The following COL6A6 variants were observed in gnomAD, a reference collection of about 807,000 sequenced individuals.
COL6A6 encodes collagen type VI alpha 6 chain.
COL6A6 carries 183 observed loss-of-function variants against 208.6 expected under a neutral mutation model. The observed-to-expected ratio is 0.88, with a 90% CI of 0.78 to 0.99. The LOEUF is 0.99. Ranked by LOEUF, COL6A6 falls within the 50% of genes least tolerant of loss-of-function variation. The pLI is 0.00. For synonymous variants in COL6A6, 973 were observed against 1,011.8 expected (o/e 0.96, Z 0.73); for missense variants, 2,816 against 2,815.2 (o/e 1.00, Z -0.01).
At chr3:130,602,182 T>G (rs78343887) in intron 20 of COL6A6, among the ~76,000 whole-genome samples, 1 of 152,224 alleles carries the variant, frequency 6.6e-6, no homozygotes, top group Non-Finnish European at 1.5e-5. Context: ...AGGGGCTTCA[T>G]ATGAGTGCCA....
chr3:130,593,671 C>T (rs777816706), intron 17 of COL6A6, among the ~76,000 whole-genome samples: 2 of 152,174 alleles, frequency 1.3e-5, no homozygotes, highest in African/African-American at 2.4e-5. Flanking sequence ...TTGCCAAACT[C>T]AGAGGAAGGG....
At position 130,586,585 on chromosome 3, in the gene COL6A6, T is replaced by C; in HGVS notation, c.4050T>C (p.Phe1350=). 1 of 1,613,894 alleles carries C rather than the reference T, an allele frequency of 6.2e-7. No homozygotes were observed. The highest frequency in any genetic ancestry group is 8.5e-7 in the Non-Finnish European group (1 of 1,179,790). ...TGGCTGATCTTCCCTATATTGAATT[T>C]GGGAAAGGATTTGAGTACAGGACAC... ...SDLADLPYIE[F]GKGFEYRTQL... The change falls in exon 11 of 37, where the codon TTT becomes TTC. Residue 1350 remains phenylalanine, a synonymous_variant. Transcript: ENST00000358511.
At chr3:130,596,824 T>A (rs1381952267) in intron 18 of COL6A6, among the ~76,000 whole-genome samples, 2 of 152,146 alleles carry the variant, frequency 1.3e-5, no homozygotes, top group African/African-American at 4.8e-5. Context: ...ATAAAATTTT[T>A]AAAAAAAGAA....
At chr3:130,594,903 G>A (rs577666485) in intron 18 of COL6A6, among the ~76,000 whole-genome samples, 2 of 152,246 alleles carry the variant, frequency 1.3e-5, no homozygotes, top group East Asian at 3.9e-4. Context: ...GATCCCATGA[G>A]ACTTACTCAC....
rs183625394 is a variant in COL6A6 at position 130,637,198 on chromosome 3, T to C, written c.5091+1437T>C. On this transcript the variant is annotated intron_variant, in intron 28 of 36. Transcript: ENST00000358511. ...ATGGCTATCCATTAACATTATGCTC[T>C]AAAAAAAAAAGATGAAGACAGATAT... Among the ~76,000 whole-genome samples, 76 of 118,692 alleles carry C rather than the reference T, an allele frequency of 6.4e-4. No homozygotes were observed. In the East Asian group the frequency reaches 0.017, roughly 26 times the overall value. The allele number at this position is 118,692 out of a possible 152,430, so 77.9% of individuals were successfully genotyped here.
chr3:130,556,868 G>A (rs1207474497), intron 1 of COL6A6, among the ~76,000 whole-genome samples: 3 of 152,176 alleles, frequency 2.0e-5, no homozygotes, highest in African/African-American at 7.2e-5. Flanking sequence ...CCTTCCCACA[G>A]AGGGCCTGCC....
At chr3:130,592,868 T>A (rs2063753813) in intron 15 of COL6A6, 146 bp downstream of exon 15, 1 of 904,224 alleles carries the variant, frequency 1.1e-6, no homozygotes, top group Admixed American at 2.4e-5. Flanking sequence ...TGTTTCTTCT[T>A]CTCTTTCATT....
chr3:130,568,031 A>G lies in COL6A6; in HGVS notation c.1844-16A>G, dbSNP rs201939581. 4.6e-5 allele frequency: 73 copies of G among 1,581,350 alleles called. No individual in the cohort carries two copies. In the African/African-American group the frequency reaches 9.1e-4, roughly 20 times the overall value. ...TGTAGCTGACTTGAATAAACATCAC[A>G]GTTTTTCCTATGCAGCTTGCAAAGA... On this transcript the variant is annotated splice_polypyrimidine_tract_variant and intron_variant, in intron 5 of 36. Transcript: ENST00000358511.
intron 33 of COL6A6, among the ~76,000 whole-genome samples, chr3:130,657,436 A>G (rs2065823115): frequency 6.6e-6 from 1 of 152,220 alleles, no homozygotes; most frequent in African/African-American, 2.4e-5. Context: ...ATGGATGAAA[A>G]TGGAAGTGAA....
At position 130,581,501 on chromosome 3, in the gene COL6A6, T is replaced by C. The variant is rs2063419115; in HGVS notation, c.3548-60T>C. On this transcript the variant is annotated intron_variant, in intron 8 of 36. Coordinates refer to ENST00000358511, the MANE Select transcript of COL6A6 (RefSeq NM_001102608.3). ...CAAGTCCCTTGATTCAGACATGGTG[T>C]CTGAGTTAAATAAAGGCGTTTGTTG... 7 of 1,231,556 alleles carry C rather than the reference T, an allele frequency of 5.7e-6. No homozygotes were observed. The South Asian group carries it at 1.1e-4, about 19-fold the overall frequency. 76.3% of individuals were successfully genotyped at this position (1,231,556 alleles called of 1,614,324 possible).
chr3:130,652,336 T>G (rs1002101561), intron 33 of COL6A6, among the ~76,000 whole-genome samples: 3 of 152,232 alleles, frequency 2.0e-5, no homozygotes, highest in Admixed American at 1.3e-4. Flanking sequence ...GAGGTACCTC[T>G]TCTCATTCAG....
In COL6A6 at chr3:130,642,855, G is replaced by A; in HGVS notation, c.5178G>A (p.Leu1726=). 14 of 1,613,920 alleles carry A rather than the reference G, an allele frequency of 8.7e-6. No individual in the cohort carries two copies. The highest frequency in any genetic ancestry group is 1.0e-5 in the Non-Finnish European group (12 of 1,179,846). Residue 1726 remains leucine (L), a synonymous_variant, in exon 30 of 37, where the codon TTG becomes TTA. Coordinates refer to ENST00000358511, the MANE Select transcript of COL6A6 (RefSeq NM_001102608.3). ...AGGGTGTGAAAGGAGCCAAAGGCTT[G>A]GCTTCATTTTCTGTACGTATCTCCC... ...GRKGVKGAKG[L]ASFSTCELIQ... is the part of the protein sequence containing the mutation.
Position 130,571,055 on chromosome 3 carries a change from A to G in COL6A6, c.2639A>G (p.Gln880Arg). 6.2e-7 allele frequency: 1 copy of G among 1,613,924 alleles called. No homozygotes were observed. The highest frequency in any genetic ancestry group is 8.5e-7 in the Non-Finnish European group (1 of 1,179,850). The change falls in exon 7 of 37, where the codon CAA (glutamine) becomes CGA (arginine). Residue 880 changes from glutamine to arginine, a missense_variant. Transcript: ENST00000358511. ...GTAATTTCAGTGCTCCAGAATGACC[A>G]AGCCATGGGTGGCAGTACTTATACT... ...LEVISVLQND[Q>R]AMGGSTYTAE...
intron 20 of COL6A6, among the ~76,000 whole-genome samples, chr3:130,605,488 T>C (rs1393475902): frequency 1.3e-5 from 2 of 152,036 alleles, no homozygotes; most frequent in East Asian, 3.9e-4. Context: ...TGGAAATATC[T>C]ACTGATATTT....
chr3:130,574,121 A>T lies in COL6A6; in HGVS notation c.3143A>T (p.Tyr1048Phe). The T allele has an allele frequency of 6.2e-7, 1 of 1,613,966 alleles. No individual in the cohort carries two copies. The highest frequency in any genetic ancestry group is 8.5e-7 in the Non-Finnish European group (1 of 1,179,888). Residue 1048 changes from tyrosine (Y) to phenylalanine (F), a missense_variant, in exon 8 of 37, where the codon TAT becomes TTT. Coordinates refer to ENST00000358511, the MANE Select transcript of COL6A6 (RefSeq NM_001102608.3). ...GGAGCGGCCCAGTTTAGCGATACCTATCACCCGGAGTTTCCACTGGGAACT... is the reference window on the plus strand; with the variant it reads ...GGAGCGGCCCAGTTTAGCGATACCTTTCACCCGGAGTTTCCACTGGGAACT... ...RIGAAQFSDT[Y>F]HPEFPLGTFI... is the part of the protein sequence containing the mutation.
chr3:130,590,945 T>C, intron 12 of COL6A6, 96 bp from the exon 13 acceptor site: 1 of 883,344 alleles, frequency 1.1e-6, no homozygotes, highest in Non-Finnish European at 1.8e-6. Context: ...CACTTACTAT[T>C]CCACATGAAG....
At position 130,641,652 on chromosome 3, in the gene COL6A6, A is replaced by AT; in HGVS notation, c.5093dup (p.Ser1699IlefsTer20). 4 of 1,561,168 alleles carry AT rather than the reference A, an allele frequency of 2.6e-6. No individual in the cohort carries two copies. The highest frequency in any genetic ancestry group is 1.8e-6 in the Non-Finnish European group (2 of 1,135,958). On this transcript the variant is annotated frameshift_variant and splice_region_variant, in exon 29 of 37. Transcript: ENST00000358511. LOFTEE classifies it high-confidence loss of function. Reference sequence around the variant, plus strand: ...ATTTTAAAATAAATTCTCCTTTGAGATATCTGCTGGGCTTCCAGGAGAGAT... The same window carrying AT: ...ATTTTAAAATAAATTCTCCTTTGAGATTATCTGCTGGGCTTCCAGGAGAGAT...
intron 20 of COL6A6, 108 bp downstream of exon 20, chr3:130,599,918 C>A: frequency 9.9e-7 from 1 of 1,009,236 alleles, no homozygotes; most frequent in Non-Finnish European, 1.5e-6. Context: ...GAGCTCACTA[C>A]CTTGAGGAAA....
At chr3:130,570,346 A>C (rs1416888697) in intron 6 of COL6A6, among the ~76,000 whole-genome samples, 1 of 152,258 alleles carries the variant, frequency 6.6e-6, no homozygotes, top group Non-Finnish European at 1.5e-5. Flanking sequence ...CATGAAAAAT[A>C]TACAGTGTTG....
Sources: allele counts gnomAD v4.1 joint callset (sites outside exome capture counted in the v4.1 genomes callset), GRCh38; gene constraint gnomAD v4.1.1; transcripts MANE v1.5; gene names NCBI Gene and HGNC (gene_info 2026-07-23, HGNC 2026-07-21).